ATRNL1: variants seen among roughly 807,000 people sequenced by gnomAD.
The protein encoded by ATRNL1 is attractin like 1.
ATRNL1 carries 95 observed loss-of-function variants against 182.7 expected under a neutral mutation model. The observed-to-expected ratio is 0.52, with a 90% CI of 0.44 to 0.62. ATRNL1 has a LOEUF of 0.62. Ranked by LOEUF, ATRNL1 falls within the 20% of genes least tolerant of loss-of-function variation. ATRNL1 has a pLI of 0.00. For synonymous variants in ATRNL1, 576 were observed against 568.3 expected (o/e 1.01, Z -0.19); for missense variants, 1,471 against 1,679.5 (o/e 0.88, Z 2.17).
At chr10:115,104,878 C>T (rs1405285821) in intron 1 of ATRNL1, among the ~76,000 whole-genome samples, 3 of 151,560 alleles carry the variant, frequency 2.0e-5, no homozygotes, top group African/African-American at 7.3e-5. Flanking sequence ...TTCTGGGTTC[C>T]CTATTCTGTA....
chr10:115,328,192 T>G (rs1855018312), intron 18 of ATRNL1, among the ~76,000 whole-genome samples: 1 of 152,076 alleles, frequency 6.6e-6, no homozygotes, highest in South Asian at 2.1e-4. Context: ...TAATATTAAT[T>G]TATTATAGAC....
chr10:115,492,767 CT>C (rs1849367981), intron 24 of ATRNL1, among the ~76,000 whole-genome samples: 1 of 151,256 alleles, frequency 6.6e-6, no homozygotes, highest in Admixed American at 6.6e-5. Context: ...CCTCAGCCTC[CT>C]GAGTATCTGG....
rs544373153 is a variant in ATRNL1, at chr10:115,545,532, T to C, written c.3717-3926T>C. 8.5e-5 allele frequency among the ~76,000 whole-genome samples: 13 copies of C among 152,158 alleles called. No homozygotes were observed. The South Asian group carries it at 2.3e-3, about 27-fold the overall frequency. Reference sequence around the variant, plus strand: ...AGAAAGTGAGATTATGAAAATTGTATATTTTATGTTGTCCTTATACATCAT... The same window carrying C: ...AGAAAGTGAGATTATGAAAATTGTACATTTTATGTTGTCCTTATACATCAT... On this transcript the variant is annotated intron_variant, in intron 25 of 28. Coordinates refer to ENST00000355044, the MANE Select transcript of ATRNL1 (RefSeq NM_207303.4).
chr10:115,121,707 C>T lies in ATRNL1; in HGVS notation c.386C>T (p.Ala129Val). 4 of 1,470,636 alleles carry T rather than the reference C, an allele frequency of 2.7e-6. No homozygotes were observed. The highest frequency in any genetic ancestry group is 2.0e-5 in the Admixed American group (1 of 49,840). 91.1% of individuals were successfully genotyped at this position (1,470,636 alleles called of 1,614,324 possible). Residue 129 changes from alanine to valine, a missense_variant, in exon 3 of 29, where the codon GCA becomes GTA. Transcript: ENST00000355044. ...CTWLIEGYPNAVLRLRFNHFA... is the reference protein window; with the variant it reads ...CTWLIEGYPNVVLRLRFNHFA... Reference sequence around the variant, plus strand: ...TTCATATTCATTTTCAGTCCAAATGCAGTGTTAAGATTAAGATTCAATCAT... The same window carrying T: ...TTCATATTCATTTTCAGTCCAAATGTAGTGTTAAGATTAAGATTCAATCAT...
intron 13 of ATRNL1, among the ~76,000 whole-genome samples, chr10:115,273,506 A>G (rs1233395097): frequency 2.0e-5 from 3 of 152,088 alleles, no homozygotes; most frequent in African/African-American, 4.8e-5. Context: ...GCCACAGCCC[A>G]TGAATCCATA....
intron 20 of ATRNL1, among the ~76,000 whole-genome samples, chr10:115,404,049 A>G (rs1423004898): frequency 2.6e-5 from 4 of 152,186 alleles, no homozygotes; most frequent in Non-Finnish European, 5.9e-5. Context: ...CCCTTGAGGA[A>G]TATGTTTTGG....
intron 1 of ATRNL1, among the ~76,000 whole-genome samples, chr10:115,115,145 A>G (rs1256592673): frequency 6.6e-6 from 1 of 152,134 alleles, no homozygotes; most frequent in Non-Finnish European, 1.5e-5. Context: ...GACAAATATC[A>G]CCTGATCTCA....
At chr10:115,390,250 G>A (rs1363029962) in intron 19 of ATRNL1, among the ~76,000 whole-genome samples, 1 of 152,036 alleles carries the variant, frequency 6.6e-6, no homozygotes, top group Non-Finnish European at 1.5e-5. Flanking sequence ...GTGCTTTTGG[G>A]AAAACCAAGA....
chr10:115,886,339 AC>A (rs1294689015), intron 28 of ATRNL1, among the ~76,000 whole-genome samples: 1 of 151,908 alleles, frequency 6.6e-6, no homozygotes, highest in Middle Eastern at 3.2e-3. Flanking sequence ...ACATGGAGAA[AC>A]CCCGTCTCTA....
At chr10:115,410,698 G>GT in intron 20 of ATRNL1, among the ~76,000 whole-genome samples, 1 of 152,072 alleles carries the variant, frequency 6.6e-6, no homozygotes, top group African/African-American at 2.4e-5. Flanking sequence ...AAATAAGTGT[G>GT]TTTTACCTTT....
intron 26 of ATRNL1, among the ~76,000 whole-genome samples, chr10:115,609,412 GA>G (rs201107581): frequency 0.022 from 3,327 of 152,240 alleles, 62 homozygotes; most frequent in Non-Finnish European, 0.033. Context: ...CTCCTGAGTT[GA>G]AGTAATATAG....
At chr10:115,176,318 C>T (rs1396311681) in intron 8 of ATRNL1, among the ~76,000 whole-genome samples, 3 of 152,084 alleles carry the variant, frequency 2.0e-5, no homozygotes, top group Non-Finnish European at 4.4e-5. Flanking sequence ...AATTAGATCC[C>T]ATTTGTCAAT....
chr10:115,663,370 G>A (rs1283007900), intron 26 of ATRNL1, among the ~76,000 whole-genome samples: 2 of 151,928 alleles, frequency 1.3e-5, no homozygotes, highest in African/African-American at 4.8e-5. Flanking sequence ...TACTTTAAAT[G>A]TAATATTTGT....
intron 28 of ATRNL1, among the ~76,000 whole-genome samples, chr10:115,932,493 T>C (rs1262841333): frequency 2.6e-5 from 4 of 152,158 alleles, no homozygotes; most frequent in African/African-American, 9.7e-5. Context: ...AGAATAATAT[T>C]AATAGAAAAA....
intron 27 of ATRNL1, among the ~76,000 whole-genome samples, chr10:115,811,757 T>C (rs1389584517): frequency 2.0e-5 from 3 of 152,032 alleles, no homozygotes; most frequent in Non-Finnish European, 4.4e-5. Flanking sequence ...TACTATTCCT[T>C]GATCTGAAGT....
intron 24 of ATRNL1, among the ~76,000 whole-genome samples, chr10:115,506,804 A>G (rs1481342899): frequency 2.0e-5 from 3 of 152,042 alleles, no homozygotes; most frequent in African/African-American, 2.4e-5. Flanking sequence ...TCAAGCACCA[A>G]TAGGAGATTT....
intron 27 of ATRNL1, among the ~76,000 whole-genome samples, chr10:115,760,657 T>C (rs1038071717): frequency 1.3e-5 from 2 of 152,174 alleles, no homozygotes; most frequent in Non-Finnish European, 2.9e-5. Flanking sequence ...AAAAACAATA[T>C]TATTCTTATT....
chr10:115,265,173 T>G lies in ATRNL1; in HGVS notation c.1688-20T>G, dbSNP rs1186961204. 1 of 1,507,758 alleles carries G rather than the reference T, an allele frequency of 6.6e-7. No individual in the cohort carries two copies. Among genetic ancestry groups the G allele is most frequent in the African/African-American group, 1.4e-5 (1 of 72,054 alleles). 93.4% of individuals were successfully genotyped at this position (1,507,758 alleles called of 1,614,324 possible). ...TATTCTTTTATTTCATTTTTTGTTT[T>G]TCTGTTTTCTTTTTTCTAGCTTGTG... On this transcript the variant is annotated intron_variant, in intron 10 of 28. Transcript: ENST00000355044.
chr10:115,542,382 C>T (rs1852408859), intron 25 of ATRNL1, among the ~76,000 whole-genome samples: 2 of 152,006 alleles, frequency 1.3e-5, no homozygotes, highest in African/African-American at 4.8e-5. Context: ...ATTTAACTCC[C>T]TCCACGTGGC....
Sources: allele counts gnomAD v4.1 joint callset (sites outside exome capture counted in the v4.1 genomes callset), GRCh38; gene constraint gnomAD v4.1.1; transcripts MANE v1.5; gene names NCBI Gene and HGNC (gene_info 2026-07-23, HGNC 2026-07-21).